Variants in NAA50 observed in about 807,000 individuals in gnomAD.
The protein encoded by NAA50 is N-alpha-acetyltransferase 50, NatE catalytic subunit.
NAA50 carries 7 observed loss-of-function variants against 20.7 expected under a neutral mutation model. The observed-to-expected ratio is 0.34, with a 90% confidence interval of 0.19 to 0.63. The LOEUF is 0.63. Among genes scored for constraint, NAA50 ranks in the 30% least tolerant of loss-of-function variants. NAA50 has a pLI of 0.75. For missense variants in NAA50, 111 were observed against 199.1 expected (o/e 0.56, Z 2.66); for synonymous variants, 54 against 70.6 (o/e 0.77, Z 1.18).
chr3:113,729,222 G>A (rs778376640), intron 1 of NAA50, among the ~76,000 whole-genome samples: 17 of 152,130 alleles, frequency 1.1e-4, no homozygotes, highest in Non-Finnish European at 2.1e-4. Flanking sequence ...ATGGCCTCAA[G>A]TGATAGGCTC....
At chr3:113,725,592 T>C (rs1014788291) in intron 1 of NAA50, among the ~76,000 whole-genome samples, 5 of 151,862 alleles carry the variant, frequency 3.3e-5, no homozygotes, top group Non-Finnish European at 7.4e-5. Flanking sequence ...TAGCAAAACT[T>C]TGTAAGAAAT....
In NAA50 at chr3:113,746,136, G is replaced by C; in HGVS notation, c.-187C>G. ...GAGGGCTTGAGTCTGGTGGGGGCGG[G>C]AGTGTCTCCCGCCGCCGCGCTTGTG... On this transcript the variant is annotated 5_prime_UTR_variant, in exon 1 of 5. Coordinates refer to ENST00000240922, the MANE Select transcript of NAA50 (RefSeq NM_025146.4). The C allele has an allele frequency of 4.6e-6, 3 of 651,962 alleles. No individual in the cohort carries two copies. Among genetic ancestry groups the C allele is most frequent in the Non-Finnish European group, 7.4e-6 (3 of 403,700 alleles). 40.4% of individuals were successfully genotyped at this position (651,962 alleles called of 1,614,324 possible). A position where few individuals can be genotyped will look rare whatever the true frequency, so the allele number is the denominator to read the frequency against.
At chr3:113,740,781 G>T in intron 1 of NAA50, 2 of 171,900 alleles carry the variant, frequency 1.2e-5, no homozygotes, top group Non-Finnish European at 2.5e-5. Flanking sequence ...GAGACCCAAT[G>T]ACAAAAGGTG....
At chr3:113,725,931 G>A (rs961967468) in intron 1 of NAA50, among the ~76,000 whole-genome samples, 10 of 152,092 alleles carry the variant, frequency 6.6e-5, no homozygotes, top group Non-Finnish European at 2.9e-5. Context: ...AGGAGTTAGA[G>A]GCAAAAACAA....
chr3:113,721,274 A>C lies in NAA50; in HGVS notation c.*486T>G, dbSNP rs961509780. 2 of 160,946 alleles carry C rather than the reference A, an allele frequency of 1.2e-5. No homozygotes were observed. The highest frequency in any genetic ancestry group is 2.7e-5 in the Non-Finnish European group (2 of 74,360). The allele number at this position is 160,946 out of a possible 1,614,324, so 10.0% of individuals were successfully genotyped here. A position where few individuals can be genotyped will look rare whatever the true frequency, so the allele number is the denominator to read the frequency against. On this transcript the variant is annotated 3_prime_UTR_variant, in exon 5 of 5. Transcript: ENST00000240922. Reference sequence around the variant, plus strand: ...CCGAGAGAGTGCTCAGAAGGACTAAAGGTGGAGTGAAGGCAATGTCTAGGG... The same window carrying C: ...CCGAGAGAGTGCTCAGAAGGACTAACGGTGGAGTGAAGGCAATGTCTAGGG...
At chr3:113,723,048 T>C (rs1708156843) in intron 3 of NAA50, 76 bp from the exon 4 acceptor site, 9 of 1,433,530 alleles carry the variant, frequency 6.3e-6, no homozygotes, top group Non-Finnish European at 7.4e-6. Flanking sequence ...ACTTGCCATC[T>C]GAACTACTTA....
At chr3:113,732,635 TTC>T (rs763619665) in intron 1 of NAA50, among the ~76,000 whole-genome samples, 1 of 152,198 alleles carries the variant, frequency 6.6e-6, no homozygotes, top group Non-Finnish European at 1.5e-5. Context: ...TCCTTTACTC[TTC>T]TTATAAGGAC....
At chr3:113,745,135 G>C (rs1313355000) in intron 1 of NAA50, among the ~76,000 whole-genome samples, 2 of 152,152 alleles carry the variant, frequency 1.3e-5, no homozygotes, top group Non-Finnish European at 2.9e-5. Flanking sequence ...ATGGTAAGGA[G>C]ACATTTCATA....
rs1708127954 is a variant in NAA50, at chr3:113,721,010, T to C, written c.*750A>G. The C allele has an allele frequency of 6.6e-6, 1 of 152,446 alleles. No individual in the cohort carries two copies. Among genetic ancestry groups the C allele is most frequent in the Non-Finnish European group, 1.5e-5 (1 of 67,974 alleles). 9.4% of individuals were successfully genotyped at this position (152,446 alleles called of 1,614,324 possible). A position where few individuals can be genotyped will look rare whatever the true frequency, so the allele number is the denominator to read the frequency against. Reference sequence around the variant, plus strand: ...TCTCTAGCTGGGATATTAAAAAAAATTAATCTCACCAGCCCAAATTCTAAA... The same window carrying C: ...TCTCTAGCTGGGATATTAAAAAAAACTAATCTCACCAGCCCAAATTCTAAA... On this transcript the variant is annotated 3_prime_UTR_variant, in exon 5 of 5. Transcript: ENST00000240922.
At chr3:113,737,004 G>C (rs540414647) in intron 1 of NAA50, among the ~76,000 whole-genome samples, 18 of 152,250 alleles carry the variant, frequency 1.2e-4, no homozygotes, top group Non-Finnish European at 2.6e-4. Context: ...TCATTTTACA[G>C]ATGATGAAAC....
intron 1 of NAA50, among the ~76,000 whole-genome samples, chr3:113,731,984 A>T (rs1404667790): frequency 6.6e-6 from 1 of 152,176 alleles, no homozygotes; most frequent in African/African-American, 2.4e-5. Flanking sequence ...GATAACTGGA[A>T]GTGGGATTGC....
In NAA50 at chr3:113,746,055, G is replaced by A; in HGVS notation, c.-106C>T. ...CTCGGGCCACTCAACCCCGCAAGCCGGCCTCCTAGCCTGGGCAGGGAGCTG... is the reference window on the plus strand; with the variant it reads ...CTCGGGCCACTCAACCCCGCAAGCCAGCCTCCTAGCCTGGGCAGGGAGCTG... On this transcript the variant is annotated 5_prime_UTR_variant, in exon 1 of 5. Coordinates refer to ENST00000240922, the MANE Select transcript of NAA50 (RefSeq NM_025146.4). 1.4e-6 allele frequency: 2 copies of A among 1,477,572 alleles called. No individual in the cohort carries two copies. The highest frequency in any genetic ancestry group is 1.7e-4 in the Middle Eastern group (1 of 5,820). The allele number at this position is 1,477,572 out of a possible 1,614,324, so 91.5% of individuals were successfully genotyped here. A position where few individuals can be genotyped will look rare whatever the true frequency, so the allele number is the denominator to read the frequency against.
intron 1 of NAA50, among the ~76,000 whole-genome samples, chr3:113,742,864 G>A (rs1486967681): frequency 6.6e-6 from 1 of 152,128 alleles, no homozygotes; most frequent in Non-Finnish European, 1.5e-5. Context: ...AAATGATTTG[G>A]TTTTATTATA....
chr3:113,742,827 T>C (rs1378939232), intron 1 of NAA50, among the ~76,000 whole-genome samples: 1 of 152,238 alleles, frequency 6.6e-6, no homozygotes, highest in African/African-American at 2.4e-5. Flanking sequence ...AGAACTAATT[T>C]GCACCTCTTT....
intron 1 of NAA50, among the ~76,000 whole-genome samples, chr3:113,738,623 G>A (rs896082671): frequency 6.6e-6 from 1 of 152,154 alleles, no homozygotes; most frequent in African/African-American, 2.4e-5. Flanking sequence ...CCAAGGCCCA[G>A]AGGTTGAAAC....
chr3:113,733,590 G>A (rs1708298426), intron 1 of NAA50, among the ~76,000 whole-genome samples: 1 of 151,968 alleles, frequency 6.6e-6, no homozygotes, highest in Non-Finnish European at 1.5e-5. Flanking sequence ...GGTGGCTCAT[G>A]CCTGTAATCC....
At position 113,723,553 on chromosome 3, in the gene NAA50, A is replaced by C. The variant is rs1461803025; in HGVS notation, c.146-12T>G. The stretch of plus-strand genomic sequence containing the variant: ...ATCATTGAAATAGGCTGCCAAGGAA[A>C]ACATAAAGATATAATGTTGAACAGA... On this transcript the variant is annotated splice_polypyrimidine_tract_variant and intron_variant, in intron 2 of 4. Transcript: ENST00000240922. 3.8e-6 allele frequency: 6 copies of C among 1,598,630 alleles called. No individual in the cohort carries two copies. The highest frequency in any genetic ancestry group is 4.3e-6 in the Non-Finnish European group (5 of 1,173,598).
Position 113,722,903 on chromosome 3 carries a change from TAC to T in NAA50, c.332+1_332+2del. 1 of 1,527,804 alleles carries T rather than the reference TAC, an allele frequency of 6.5e-7. No homozygotes were observed. The highest frequency in any genetic ancestry group is 8.9e-7 in the Non-Finnish European group (1 of 1,126,086). The allele number at this position is 1,527,804 out of a possible 1,614,324, so 94.6% of individuals were successfully genotyped here. ...TAAGAACATTAAATATTATTTTACTTACAGATAAATGTTGTCAAAAGTACCAT... is the reference window on the plus strand; with the variant it reads ...TAAGAACATTAAATATTATTTTACTTAGATAAATGTTGTCAAAAGTACCAT... On this transcript the variant is annotated splice_donor_variant, in intron 4 of 4. Transcript: ENST00000240922. LOFTEE classifies it high-confidence loss of function.
chr3:113,726,538 G>A (rs1267057140), intron 1 of NAA50, among the ~76,000 whole-genome samples: 1 of 151,726 alleles, frequency 6.6e-6, no homozygotes, highest in East Asian at 1.9e-4. Context: ...AAGGTCAAGA[G>A]TTTGAGACCA....
Sources: gnomAD v4.1 joint callset for allele counts (sites outside exome capture counted in the v4.1 genomes callset) on GRCh38, gnomAD v4.1.1 for gene constraint, MANE v1.5 for transcripts, NCBI Gene and HGNC (gene_info 2026-07-23, HGNC 2026-07-21) for gene names.